Variants in NCK1 observed in about 807,000 individuals in gnomAD.
The protein encoded by NCK1 is NCK adaptor protein 1.
NCK1 carries 19 observed loss-of-function variants against 36.6 expected under a neutral mutation model. The ratio of observed to expected loss-of-function variants is 0.52; its 90% CI spans 0.36 to 0.76. The LOEUF (loss-of-function observed/expected upper bound fraction) is 0.76, where lower values mean the gene tolerates loss of function less well. Among genes scored for constraint, NCK1 ranks in the 30% least tolerant of loss-of-function variants. NCK1 has a pLI of 0.00. For synonymous variants in NCK1, 165 were observed against 156.0 expected (o/e 1.06, Z -0.43); for missense variants, 358 against 445.6 (o/e 0.80, Z 1.77).
chr3:136,886,581 C>G (rs985638112), intron 1 of NCK1, among the ~76,000 whole-genome samples: 5 of 151,768 alleles, frequency 3.3e-5, no homozygotes, highest in Admixed American at 3.3e-4. Flanking sequence ...TGGTTGAATT[C>G]ATAGATGCGG....
intron 1 of NCK1, chr3:136,899,419 C>T (rs535962121): frequency 4.2e-4 from 83 of 199,546 alleles, no homozygotes; most frequent in African/African-American, 9.5e-4. Flanking sequence ...CATTTCTTTT[C>T]TTTTTTTTTT....
intron 1 of NCK1, among the ~76,000 whole-genome samples, chr3:136,912,801 G>A (rs1030031102): frequency 2.0e-5 from 3 of 151,850 alleles, no homozygotes; most frequent in Non-Finnish European, 2.9e-5. Flanking sequence ...AACTACTTGC[G>A]CTGCTGTGCT....
rs191664879 is a variant in NCK1, at chr3:136,892,680, C to T, written c.-19+30327C>T. On this transcript the variant is annotated intron_variant, in intron 1 of 3. Coordinates refer to ENST00000481752, the MANE Select transcript of NCK1 (RefSeq NM_001291999.2). ...ACAGGCCTGTAAGACCTGTTTTAGA[C>T]TTAATGACCTCTAGAACTGTGAGAT... 9.9e-5 allele frequency among the ~76,000 whole-genome samples: 15 copies of T among 151,736 alleles called. No individual in the cohort carries two copies. In the East Asian group the frequency reaches 2.8e-3, roughly 28 times the overall value.
At chr3:136,890,099 G>A (rs1455477122) in intron 1 of NCK1, among the ~76,000 whole-genome samples, 1 of 152,192 alleles carries the variant, frequency 6.6e-6, no homozygotes, top group Non-Finnish European at 1.5e-5. Context: ...CCATGGGGCG[G>A]GGAGGCTCAG....
At chr3:136,881,495 G>A (rs1436143259) in intron 1 of NCK1, among the ~76,000 whole-genome samples, 1 of 152,192 alleles carries the variant, frequency 6.6e-6, no homozygotes, top group Non-Finnish European at 1.5e-5. Context: ...GGGATTGGAG[G>A]CATGAGCCAC....
chr3:136,872,209 T>TA (rs1938645201), intron 1 of NCK1, among the ~76,000 whole-genome samples: 1 of 152,174 alleles, frequency 6.6e-6, no homozygotes, highest in Admixed American at 6.5e-5. Context: ...AAATGCTGAT[T>TA]GCGATATGGA....
At position 136,945,596 on chromosome 3, in the gene NCK1, G is replaced by A; in HGVS notation, c.240G>A (p.Val80=). The A allele has an allele frequency of 6.2e-7, 1 of 1,601,158 alleles. No individual in the cohort carries two copies. The highest frequency in any genetic ancestry group is 8.5e-7 in the Non-Finnish European group (1 of 1,172,918). The change falls in exon 3 of 4, where the codon GTG becomes GTA. Residue 80 remains valine, a synonymous_variant. Transcript: ENST00000481752. ...TAATTTCAACAGGCATTGGAAAAGT[G>A]AAAAGAAAACCTAGTGTGCCAGATT... ...NLKDTLGIGK[V]KRKPSVPDSA...
chr3:136,879,249 T>C (rs1576946997), intron 1 of NCK1, among the ~76,000 whole-genome samples: 3 of 151,950 alleles, frequency 2.0e-5, no homozygotes. Context: ...AAAAGGTCCG[T>C]CAGAGGTCAA....
At chr3:136,872,364 G>A (rs1246694416) in intron 1 of NCK1, among the ~76,000 whole-genome samples, 1 of 152,202 alleles carries the variant, frequency 6.6e-6, no homozygotes, top group East Asian at 1.9e-4. Context: ...TTGAACTTGG[G>A]AGAGATGATT....
chr3:136,872,598 A>G (rs1938655855), intron 1 of NCK1, among the ~76,000 whole-genome samples: 1 of 152,192 alleles, frequency 6.6e-6, no homozygotes, highest in Admixed American at 6.5e-5. Context: ...CCCCAAGACA[A>G]TGGGGAAAAT....
In NCK1 at chr3:136,928,112, C is replaced by T. The variant is rs1576983241; in HGVS notation, c.111C>T (p.Ser37=). The stretch of plus-strand genomic sequence containing the variant: ...TATGGCTTCTGGATGATTCTAAGTC[C>T]TGGTGGCGAGTTCGAAATTCCATGA... ...ERLWLLDDSK[S]WWRVRNSMNK... The change falls in exon 2 of 4, where the codon TCC becomes TCT. Residue 37 remains serine (S), a synonymous_variant. Coordinates refer to ENST00000481752, the MANE Select transcript of NCK1 (RefSeq NM_001291999.2). The T allele has an allele frequency of 1.2e-6, 2 of 1,614,130 alleles. No homozygotes were observed. The highest frequency in any genetic ancestry group is 1.1e-5 in the South Asian group (1 of 91,078).
rs1016786633 is a variant in NCK1, at chr3:136,871,863, C to G, written c.-19+9510C>G. On this transcript the variant is annotated intron_variant, in intron 1 of 3. Coordinates refer to ENST00000481752, the MANE Select transcript of NCK1 (RefSeq NM_001291999.2). ...ACGGGAGTTTCCCTGCACAAACTCT[C>G]TTCTCTTATCTGCCGCCATGTGAGA... Among the ~76,000 whole-genome samples the G allele has an allele frequency of 4.6e-5, 7 of 152,262 alleles. 1 individual carries two copies. The South Asian group carries it at 8.3e-4, about 18-fold the overall frequency.
chr3:136,893,521 T>C (rs1939311263), intron 1 of NCK1, among the ~76,000 whole-genome samples: 1 of 152,196 alleles, frequency 6.6e-6, no homozygotes, highest in Admixed American at 6.5e-5. Flanking sequence ...TCTGAGTTCC[T>C]TGTAGATTCT....
intron 2 of NCK1, among the ~76,000 whole-genome samples, chr3:136,937,187 A>G (rs6786302): frequency 0.68 from 103,719 of 152,034 alleles, 35,666 homozygotes; most frequent in East Asian, 0.87. Flanking sequence ...ATAGATATCC[A>G]TTTGTTCCAG....
chr3:136,946,410 G>T (rs1940827874), intron 3 of NCK1, 115 bp downstream of exon 3: 1 of 834,934 alleles, frequency 1.2e-6, no homozygotes, highest in Admixed American at 2.7e-5. Flanking sequence ...AACAAGCTGG[G>T]ACGTAACATA....
chr3:136,947,138 T>C (rs1293627366), intron 3 of NCK1: 1 of 152,090 alleles, frequency 6.6e-6, no homozygotes, highest in South Asian at 2.1e-4. Flanking sequence ...GGGAGAGAGA[T>C]TAATTGAACT....
intron 1 of NCK1, among the ~76,000 whole-genome samples, chr3:136,926,361 G>A (rs1338275270): frequency 1.3e-5 from 2 of 151,862 alleles, no homozygotes; most frequent in Non-Finnish European, 2.9e-5. Flanking sequence ...TGCAAGCCCC[G>A]CCTCCCGGGT....
chr3:136,944,192 C>G (rs1232330791), intron 2 of NCK1, among the ~76,000 whole-genome samples: 3 of 139,384 alleles, frequency 2.2e-5, no homozygotes, highest in Non-Finnish European at 4.5e-5. Context: ...GATCTTGGCT[C>G]ACTGCAACCT....
At chr3:136,878,654 G>A (rs1328387262) in intron 1 of NCK1, among the ~76,000 whole-genome samples, 1 of 151,962 alleles carries the variant, frequency 6.6e-6, no homozygotes, top group Non-Finnish European at 1.5e-5. Context: ...ACATTGAATT[G>A]TATACTTTAA....
Sources: allele counts gnomAD v4.1 joint callset (sites outside exome capture counted in the v4.1 genomes callset), GRCh38; gene constraint gnomAD v4.1.1; transcripts MANE v1.5; gene names NCBI Gene and HGNC (gene_info 2026-07-23, HGNC 2026-07-21).